ATRIP: variants seen among roughly 807,000 people sequenced by gnomAD.
The protein encoded by ATRIP is ATR-interacting protein.
Under a neutral mutation model 78.1 loss-of-function variants are expected in ATRIP, and 44 were observed. That is an observed-to-expected ratio of 0.56 (90% CI 0.44 to 0.72). The LOEUF (loss-of-function observed/expected upper bound fraction) is 0.72. Ranked by LOEUF, ATRIP falls within the 30% of genes least tolerant of loss-of-function variation. The pLI, the probability that ATRIP is intolerant of heterozygous loss-of-function variation, is 0.00. For missense variants in ATRIP, 927 were observed against 980.2 expected, an observed-to-expected ratio of 0.95 and a Z score of 0.72; for synonymous variants, 388 against 408.9, an observed-to-expected ratio of 0.95 and a Z score of 0.62.
rs982445426 is a variant in ATRIP at position 48,464,931 on chromosome 3, G to C, written c.2156G>C (p.Cys719Ser). Residue 719 changes from cysteine (C) to serine (S), a missense_variant, in exon 12 of 13, where the codon TGT (cysteine) becomes TCT (serine). By Grantham distance (112) the Cys-to-Ser change is moderately radical (BLOSUM62 -1). Transcript: ENST00000320211. ...RTDQQRRTVR[C>S]LRDTVLLLHG... ...GACCAGCAGAGGCGGACAGTGCGCT[G>C]TCTGCGGGACACGGTGCTGCTGCTG... is the stretch of plus-strand genomic sequence containing the variant. 12 of 1,614,070 alleles carry C rather than the reference G, an allele frequency of 7.4e-6. No individual in the cohort carries two copies. The highest frequency in any genetic ancestry group is 1.0e-5 in the Non-Finnish European group (12 of 1,180,052).
Position 48,460,288 on chromosome 3 carries a change from C to A in ATRIP, c.1234C>A (p.Gln412Lys). ...AGGCAGAAGGGCCTTCCCACTCTGC[C>A]AGCTTCCTGGAGCCGTGCATTTCCT... Reference protein sequence around the residue: ...EGGRRAFPLCQLPGAVHFLPL... With the variant: ...EGGRRAFPLCKLPGAVHFLPL... Residue 412 changes from glutamine to lysine, a missense_variant, in exon 8 of 13, where the codon CAG (glutamine) becomes AAG (lysine). Gln to Lys is a moderately conservative substitution (Grantham distance 53). Coordinates refer to ENST00000320211, the MANE Select transcript of ATRIP (RefSeq NM_130384.3). 6.2e-7 allele frequency: 1 copy of A among 1,614,110 alleles called. No homozygotes were observed. Among genetic ancestry groups the A allele is most frequent in the Non-Finnish European group, 8.5e-7 (1 of 1,180,002 alleles).
At chr3:48,457,525 G>A in intron 5 of ATRIP, 109 bp downstream of exon 5, 1 of 883,430 alleles carries the variant, frequency 1.1e-6, no homozygotes. Flanking sequence ...TTCTGACAAG[G>A]CACAGAGGGG....
chr3:48,449,991 G>T (rs1383271673), intron 1 of ATRIP, 46 bp from the exon 2 acceptor site: 1 of 1,541,586 alleles, frequency 6.5e-7, no homozygotes. Context: ...TGGCAAAAGT[G>T]GGAAAATATT....
chr3:48,463,859 A>T lies in ATRIP; in HGVS notation c.1860A>T (p.Ala620=). Residue 620 remains alanine (A), a synonymous_variant, in exon 9 of 13, where the codon GCA becomes GCT. Coordinates refer to ENST00000320211, the MANE Select transcript of ATRIP (RefSeq NM_130384.3). Reference sequence around the variant, plus strand: ...TGCTGGCGGACCACGACCAGCTGGCACCTCAGCTCTGTTCCCACTCAGGTA... The same window carrying T: ...TGCTGGCGGACCACGACCAGCTGGCTCCTCAGCTCTGTTCCCACTCAGGTA... ...LSLLADHDQL[A]PQLCSHSEGC... is the part of the protein sequence containing the mutation. 6.2e-7 allele frequency: 1 copy of T among 1,613,882 alleles called. No individual in the cohort carries two copies. The highest frequency in any genetic ancestry group is 8.5e-7 in the Non-Finnish European group (1 of 1,179,976).
chr3:48,450,439 T>C, intron 2 of ATRIP: 2 of 1,139,722 alleles, frequency 1.8e-6, no homozygotes, highest in Non-Finnish European at 2.4e-6. Context: ...ATTTATAGCA[T>C]GTATCTTCAT....
intron 8 of ATRIP, among the ~76,000 whole-genome samples, chr3:48,461,677 G>GT (rs142814731): frequency 1.2e-3 from 180 of 151,330 alleles, no homozygotes; most frequent in South Asian, 4.2e-3. Context: ...CATAGTGGCT[G>GT]TTTTTTTTTG....
intron 1 of ATRIP, among the ~76,000 whole-genome samples, chr3:48,448,939 A>C (rs144014134): frequency 6.6e-6 from 1 of 152,178 alleles, no homozygotes; most frequent in Non-Finnish European, 1.5e-5. Context: ...AATTTTGCTC[A>C]CTATTGTACC....
At chr3:48,462,492 A>G (rs1428940495) in intron 8 of ATRIP, among the ~76,000 whole-genome samples, 2 of 152,180 alleles carry the variant, frequency 1.3e-5, no homozygotes, top group Non-Finnish European at 2.9e-5. Flanking sequence ...TCACGAGGTC[A>G]GGAGATCGAG....
At chr3:48,451,965 C>A in intron 3 of ATRIP, 66 bp downstream of exon 3, 1 of 1,450,858 alleles carries the variant, frequency 6.9e-7, no homozygotes, top group Non-Finnish European at 9.3e-7. Flanking sequence ...CCAGGGTTGC[C>A]TGTAAATCTT....
chr3:48,452,662 T>A (rs2039862282), intron 3 of ATRIP, among the ~76,000 whole-genome samples: 1 of 151,890 alleles, frequency 6.6e-6, no homozygotes, highest in African/African-American at 2.4e-5. Flanking sequence ...GCCATTGTAC[T>A]CCAGCCTGGG....
Position 48,465,033 on chromosome 3 carries a change from C to T in ATRIP, c.2258C>T (p.Pro753Leu), listed in dbSNP as rs369842101. ...CTGCATCAGTTTGACCAGGTGATGC[C>T]GGGGGTCAGCATGCTCATCCGAGGG... ...EVLHQFDQVM[P>L]GVSMLIRGLP... The change falls in exon 12 of 13, where the codon CCG becomes CTG. Residue 753 changes from proline (P) to leucine (L), a missense_variant. Transcript: ENST00000320211. 59 of 1,613,518 alleles carry T rather than the reference C, an allele frequency of 3.7e-5. No homozygotes were observed. The highest frequency in any genetic ancestry group is 1.2e-4 in the African/African-American group (9 of 74,898).
chr3:48,458,397 A>T (rs1369180648), intron 5 of ATRIP, among the ~76,000 whole-genome samples: 1 of 149,812 alleles, frequency 6.7e-6, no homozygotes, highest in Non-Finnish European at 1.5e-5. Flanking sequence ...ATCTCGGCTC[A>T]CTGTAACCTC....
intron 3 of ATRIP, among the ~76,000 whole-genome samples, chr3:48,452,538 G>A (rs1476256985): frequency 6.6e-6 from 1 of 151,912 alleles, no homozygotes; most frequent in Non-Finnish European, 1.5e-5. Flanking sequence ...AAGAAAAAAT[G>A]AACAAAATTA....
rs758144694 is a variant in ATRIP at position 48,459,743 on chromosome 3, A to G, written c.926-44A>G. On this transcript the variant is annotated intron_variant, in intron 6 of 12. Transcript: ENST00000320211. ...TTTCCTTCTGAAAGCCACCGAAAAG[A>G]TCTCCCATGTCAGAACCTTCTAGAG... The G allele has an allele frequency of 1.1e-5, 17 of 1,594,460 alleles. No homozygotes were observed. In the South Asian group the frequency reaches 1.3e-4, roughly 12 times the overall value.
chr3:48,453,132 C>T lies in ATRIP; in HGVS notation c.553-1168C>T, dbSNP rs564375718. Among the ~76,000 whole-genome samples the T allele has an allele frequency of 1.5e-3, 229 of 152,254 alleles. 2 individuals carry two copies. The Middle Eastern group carries it at 0.021, about 14-fold the overall frequency. ...CTCCTGGGCTCATGCAGTCCTCCCACCTTGGCCTTCCAAAGTGCTGAGATT... is the reference window on the plus strand; with the variant it reads ...CTCCTGGGCTCATGCAGTCCTCCCATCTTGGCCTTCCAAAGTGCTGAGATT... On this transcript the variant is annotated intron_variant, in intron 3 of 12. Coordinates refer to ENST00000320211, the MANE Select transcript of ATRIP (RefSeq NM_130384.3).
chr3:48,449,966 AT>A, intron 1 of ATRIP, 70 bp from the exon 2 acceptor site: 1 of 1,478,980 alleles, frequency 6.8e-7, no homozygotes, highest in East Asian at 2.3e-5. Context: ...AAAAGTGGGT[AT>A]TTTCAGCATT....
At chr3:48,454,709 A>G (rs1422550202) in intron 4 of ATRIP, among the ~76,000 whole-genome samples, 1 of 152,164 alleles carries the variant, frequency 6.6e-6, no homozygotes, top group African/African-American at 2.4e-5. Context: ...GGGGTGGGCT[A>G]GTCTCTACTT....
At chr3:48,448,660 A>G (rs2039750369) in intron 1 of ATRIP, among the ~76,000 whole-genome samples, 1 of 152,170 alleles carries the variant, frequency 6.6e-6, no homozygotes, top group South Asian at 2.1e-4. Context: ...AACTTTATAC[A>G]TTGTTCTTTC....
Position 48,459,820 on chromosome 3 carries a change from C to T in ATRIP, c.959C>T (p.Pro320Leu). 1.2e-6 allele frequency: 2 copies of T among 1,613,302 alleles called. No homozygotes were observed. Among genetic ancestry groups the T allele is most frequent in the Non-Finnish European group, 1.7e-6 (2 of 1,179,764 alleles). The change falls in exon 7 of 13, where the codon CCT (proline) becomes CTT (leucine). Residue 320 changes from proline to leucine, a missense_variant. Pro to Leu is a moderately conservative substitution (Grantham distance 98). Transcript: ENST00000320211. ...TTGATAAACCTGCTCCTGAAGCAGC[C>T]TTTGATCCCAGGGTCATCCCTAAGC... is the stretch of plus-strand genomic sequence containing the variant. ...SILINLLLKQ[P>L]LIPGSSLSLC...
Sources: gnomAD v4.1 joint callset for allele counts (sites outside exome capture counted in the v4.1 genomes callset) on GRCh38, gnomAD v4.1.1 for gene constraint, MANE v1.5 for transcripts, NCBI Gene and HGNC (gene_info 2026-07-23, HGNC 2026-07-21) for gene names.